Variants in BTLA observed in about 807,000 individuals in gnomAD.
BTLA encodes the protein B and T lymphocyte associated.
Under a neutral mutation model 25.0 loss-of-function variants are expected in BTLA, and 11 were observed. The ratio of observed to expected loss-of-function variants is 0.44; its 90% CI spans 0.28 to 0.73. BTLA has a LOEUF of 0.73. BTLA is among the 30% of genes least tolerant of loss of function. The probability of loss-of-function intolerance (pLI) is 0.15; values close to 1 mark genes in which losing one functional copy is unlikely to be tolerated. For missense variants in BTLA, 282 were observed against 332.8 expected (o/e 0.85, Z 1.19); for synonymous variants, 104 against 119.8 (o/e 0.87, Z 0.86).
intron 2 of BTLA, among the ~76,000 whole-genome samples, chr3:112,473,123 C>T (rs1300257720): frequency 6.6e-6 from 1 of 151,512 alleles, no homozygotes; most frequent in African/African-American, 2.4e-5. Flanking sequence ...CTCCCCCTAA[C>T]TTATTTTGAG....
At chr3:112,483,810 A>T (rs577690347) in intron 1 of BTLA, among the ~76,000 whole-genome samples, 47 of 152,124 alleles carry the variant, frequency 3.1e-4, no homozygotes, top group African/African-American at 1.1e-3. Context: ...TTTACTAAAA[A>T]TACAAAAATT....
chr3:112,495,052 T>C (rs2082401810), intron 1 of BTLA, among the ~76,000 whole-genome samples: 1 of 152,198 alleles, frequency 6.6e-6, no homozygotes, highest in South Asian at 2.1e-4. Flanking sequence ...ATTAGCTAAA[T>C]ATACACAGCA....
chr3:112,473,388 C>T (rs2082273013), intron 2 of BTLA, among the ~76,000 whole-genome samples: 1 of 152,016 alleles, frequency 6.6e-6, no homozygotes, highest in Admixed American at 6.5e-5. Context: ...ACAACGCAAT[C>T]TTTGTCTGTC....
At chr3:112,473,611 C>CTTTT (rs777897332) in intron 2 of BTLA, among the ~76,000 whole-genome samples, 237 of 115,142 alleles carry the variant, frequency 2.1e-3, no homozygotes, top group African/African-American at 4.1e-3. Flanking sequence ...TTTTCTTCTT[C>CTTTT]TTTTTTTTTT....
intron 1 of BTLA, among the ~76,000 whole-genome samples, chr3:112,480,043 A>G (rs1382179169): frequency 6.6e-6 from 1 of 152,224 alleles, no homozygotes; most frequent in Non-Finnish European, 1.5e-5. Context: ...ATACATCCAG[A>G]TGGCCTGAAG....
intron 3 of BTLA, 132 bp downstream of exon 3, chr3:112,471,080 T>C (rs2107310970): frequency 8.1e-7 from 1 of 1,230,824 alleles, no homozygotes; most frequent in South Asian, 1.7e-5. Context: ...AGTTGTCTTC[T>C]AGGAAATCAT....
chr3:112,488,228 CTTTTTTTT>C (rs546779181), intron 1 of BTLA, among the ~76,000 whole-genome samples: 1 of 124,848 alleles, frequency 8.0e-6, no homozygotes, highest in Non-Finnish European at 1.6e-5. Context: ...TTTCTTTTTT[CTTTTTTTT>C]TTTTTTTTTG....
At chr3:112,485,780 A>G (rs986347563) in intron 1 of BTLA, among the ~76,000 whole-genome samples, 12 of 152,170 alleles carry the variant, frequency 7.9e-5, no homozygotes, top group African/African-American at 2.7e-4. Flanking sequence ...GAAATTTTCA[A>G]TGCTAAAAAT....
chr3:112,476,929 G>T (rs1201704882), intron 2 of BTLA, among the ~76,000 whole-genome samples: 4 of 152,116 alleles, frequency 2.6e-5, no homozygotes, highest in Non-Finnish European at 1.5e-5. Flanking sequence ...CATATAATCA[G>T]AATCACATTG....
At chr3:112,491,735 A>T (rs1463031130) in intron 1 of BTLA, among the ~76,000 whole-genome samples, 1 of 152,254 alleles carries the variant, frequency 6.6e-6, no homozygotes, top group Non-Finnish European at 1.5e-5. Context: ...GAAATCACAC[A>T]GAAGTTGAGT....
chr3:112,465,666 A>C lies in BTLA; in HGVS notation c.*442T>G, dbSNP rs747196663. On this transcript the variant is annotated 3_prime_UTR_variant, in exon 5 of 5. Coordinates refer to ENST00000334529, the MANE Select transcript of BTLA (RefSeq NM_181780.4). ...TTTCTTATTTTGGAAGACTGACTTG[A>C]AATATACAATCATTACTGTATTTAT... is the stretch of plus-strand genomic sequence containing the variant. The C allele has an allele frequency of 2.0e-5, 3 of 153,392 alleles. No homozygotes were observed. Among genetic ancestry groups the C allele is most frequent in the Non-Finnish European group, 4.4e-5 (3 of 68,560 alleles). The allele number at this position is 153,392 out of a possible 1,614,324, so 9.5% of individuals were successfully genotyped here.
At chr3:112,478,687 C>A (rs1380530796) in intron 2 of BTLA, among the ~76,000 whole-genome samples, 1 of 152,244 alleles carries the variant, frequency 6.6e-6, no homozygotes, top group Admixed American at 6.5e-5. Context: ...AAGCAAGGAT[C>A]CATGTCTTGT....
rs377212177 is a variant in BTLA at position 112,469,152 on chromosome 3, C to A, written c.594+606G>T. 3.3e-5 allele frequency among the ~76,000 whole-genome samples: 5 copies of A among 152,270 alleles called. No homozygotes were observed. In the South Asian group the frequency reaches 1.0e-3, roughly 32 times the overall value. On this transcript the variant is annotated intron_variant, in intron 4 of 4. Transcript: ENST00000334529. ...ACATTCAACTCAAAAGAAAAGCCTACATTTACATTCCAAACCTTATAGGAA... is the reference window on the plus strand; with the variant it reads ...ACATTCAACTCAAAAGAAAAGCCTAAATTTACATTCCAAACCTTATAGGAA...
chr3:112,488,624 T>C (rs2082362679), intron 1 of BTLA, among the ~76,000 whole-genome samples: 1 of 151,520 alleles, frequency 6.6e-6, no homozygotes. Context: ...TTTTTTGTTG[T>C]TGTTGTTGAG....
intron 1 of BTLA, among the ~76,000 whole-genome samples, chr3:112,483,839 G>A (rs913955534): frequency 2.0e-5 from 3 of 151,936 alleles, no homozygotes; most frequent in Non-Finnish European, 4.4e-5. Flanking sequence ...GTGGTGGTGC[G>A]TGCCTGTAAT....
chr3:112,481,547 G>A (rs182164277), intron 1 of BTLA, among the ~76,000 whole-genome samples: 12 of 152,328 alleles, frequency 7.9e-5, no homozygotes. Context: ...GCCTGTAAAG[G>A]GCATTCTAGT....
chr3:112,497,814 G>C (rs971723512), intron 1 of BTLA, among the ~76,000 whole-genome samples: 1 of 152,144 alleles, frequency 6.6e-6, no homozygotes, highest in Non-Finnish European at 1.5e-5. Context: ...TCAGTGGCCA[G>C]ATTTTCTAAT....
chr3:112,482,989 T>A (rs1412309015), intron 1 of BTLA, among the ~76,000 whole-genome samples: 1 of 152,140 alleles, frequency 6.6e-6, no homozygotes, highest in Non-Finnish European at 1.5e-5. Context: ...TTCATTTTCT[T>A]GGATAAGTCA....
Position 112,464,997 on chromosome 3 carries a change from A to T in BTLA, c.*1111T>A, listed in dbSNP as rs960514882. On this transcript the variant is annotated 3_prime_UTR_variant, in exon 5 of 5. Transcript: ENST00000334529. The stretch of plus-strand genomic sequence containing the variant: ...TATAGGCTATTTTTGAAATAGTTTA[A>T]CTCAAGTACTTTGGAAAGTCCAAAA... 2.5e-4 allele frequency: 38 copies of T among 152,232 alleles called. No homozygotes were observed. The highest frequency in any genetic ancestry group is 9.2e-4 in the African/African-American group (38 of 41,470). The allele number at this position is 152,232 out of a possible 1,614,324, so 9.4% of individuals were successfully genotyped here. A position where few individuals can be genotyped will look rare whatever the true frequency, so the allele number is the denominator to read the frequency against.
Sources: gnomAD v4.1 joint callset for allele counts (sites outside exome capture counted in the v4.1 genomes callset) on GRCh38, gnomAD v4.1.1 for gene constraint, MANE v1.5 for transcripts, NCBI Gene and HGNC (gene_info 2026-07-23, HGNC 2026-07-21) for gene names.